The following WDTC1 variants were observed in gnomAD, a reference collection of about 807,000 sequenced individuals.
WDTC1 encodes the protein WD and tetratricopeptide repeats protein 1.
Under a neutral mutation model 76.0 loss-of-function variants are expected in WDTC1, and 12 were observed. The observed-to-expected ratio is 0.16, with a 90% CI of 0.10 to 0.26. The LOEUF (loss-of-function observed/expected upper bound fraction) is 0.26, where lower values mean the gene tolerates loss of function less well. WDTC1 is among the 10% of genes least tolerant of loss of function. The pLI is 1.00. For synonymous variants in WDTC1, 326 were observed against 350.8 expected (o/e 0.93, Z 0.79); for missense variants, 511 against 908.8 (o/e 0.56, Z 5.63).
At chr1:27,247,621 C>G (rs2011886280) in intron 1 of WDTC1, among the ~76,000 whole-genome samples, 1 of 151,918 alleles carries the variant, frequency 6.6e-6, no homozygotes, top group Non-Finnish European at 1.5e-5. Flanking sequence ...GGATAATGGC[C>G]TCCGGCTCCA....
In WDTC1 at chr1:27,293,651, T is replaced by C. The variant is rs2147980194; in HGVS notation, c.663-371T>C. 2.0e-5 allele frequency among the ~76,000 whole-genome samples: 3 copies of C among 152,280 alleles called. No individual in the cohort carries two copies. The South Asian group carries it at 6.2e-4, about 32-fold the overall frequency. ...TGAGTTGCCTCTCCAGCCTGGGCTTTCCATGATTCTTGGGATGGATGCAGG... is the reference window on the plus strand; with the variant it reads ...TGAGTTGCCTCTCCAGCCTGGGCTTCCCATGATTCTTGGGATGGATGCAGG... On this transcript the variant is annotated intron_variant, in intron 7 of 15. Coordinates refer to ENST00000319394, the MANE Select transcript of WDTC1 (RefSeq NM_001276252.2).
intron 3 of WDTC1, among the ~76,000 whole-genome samples, chr1:27,270,623 G>A (rs908131553): frequency 6.6e-6 from 1 of 152,210 alleles, no homozygotes; most frequent in Non-Finnish European, 1.5e-5. Context: ...AGCCTGGGGG[G>A]ACGTGGAGGT....
At chr1:27,291,097 C>G (rs550840503) in intron 6 of WDTC1, among the ~76,000 whole-genome samples, 1 of 152,266 alleles carries the variant, frequency 6.6e-6, no homozygotes, top group African/African-American at 2.4e-5. Context: ...GAGAAGGTGT[C>G]CTAGCAGAAG....
intron 1 of WDTC1, among the ~76,000 whole-genome samples, chr1:27,249,140 A>C (rs1369210021): frequency 6.6e-6 from 1 of 152,000 alleles, no homozygotes; most frequent in Non-Finnish European, 1.5e-5. Context: ...ATAATGGTGC[A>C]TGCCTGTAAT....
At chr1:27,287,087 C>T (rs980944771) in intron 5 of WDTC1, among the ~76,000 whole-genome samples, 49 of 150,536 alleles carry the variant, frequency 3.3e-4, no homozygotes, top group African/African-American at 1.1e-3. Flanking sequence ...CGCTTGAACC[C>T]GGGAGGTGGA....
chr1:27,301,460 T>C lies in WDTC1; in HGVS notation c.1467T>C (p.Gly489=), dbSNP rs1438267582. The change falls in exon 13 of 16, where the codon GGT becomes GGC. Residue 489 remains glycine, a splice_region_variant and synonymous_variant. Coordinates refer to ENST00000319394, the MANE Select transcript of WDTC1 (RefSeq NM_001276252.2). This position sits in a 1 kb window ranked among gnomAD's most constrained non-coding sequence, Gnocchi z 5.8. ...CTGCCCTCTTCTCTAAAAATGATGG[T>C]GGTGAGTGGGCACTGAGGAGGGGGT... ...ITAALFSKND[G]EEKKGPGGGA... 4.3e-6 allele frequency: 7 copies of C among 1,612,018 alleles called. No individual in the cohort carries two copies. Among genetic ancestry groups the C allele is most frequent in the Non-Finnish European group, 5.9e-6 (7 of 1,179,852 alleles).
At chr1:27,277,468 C>CT (rs201215714) in intron 3 of WDTC1, among the ~76,000 whole-genome samples, 46 of 149,252 alleles carry the variant, frequency 3.1e-4, no homozygotes, top group East Asian at 9.8e-4. Context: ...GCTTGACACT[C>CT]TTTTTTTTTT....
chr1:27,250,024 C>T (rs2011983992), intron 1 of WDTC1, among the ~76,000 whole-genome samples: 1 of 152,094 alleles, frequency 6.6e-6, no homozygotes, highest in Non-Finnish European at 1.5e-5. Flanking sequence ...TGAAATACCC[C>T]TTGTCAGCTT....
upstream of WDTC1, chr1:27,234,551 C>T (rs12740931): frequency 5.3e-6 from 2 of 380,854 alleles, no homozygotes. Flanking sequence ...CTGGAAGCGG[C>T]CGGGCGCAGT....
chr1:27,305,255 C>T lies in WDTC1; in HGVS notation c.1836+62C>T. 3 of 1,550,924 alleles carry T rather than the reference C, an allele frequency of 1.9e-6. No homozygotes were observed. The highest frequency in any genetic ancestry group is 1.4e-5 in the African/African-American group (1 of 73,262). On this transcript the variant is annotated intron_variant, in intron 15 of 15. Transcript: ENST00000319394. This position sits in a 1 kb window ranked among gnomAD's most constrained non-coding sequence, Gnocchi z 4.6. The stretch of plus-strand genomic sequence containing the variant: ...ACTCTGTGGAAGGCTCCAGTGGAGC[C>T]TGCTAGCGCAGGGAAGAGAAATGAG...
chr1:27,280,999 T>C (rs1419337748), intron 3 of WDTC1, among the ~76,000 whole-genome samples: 1 of 152,096 alleles, frequency 6.6e-6, no homozygotes, highest in Non-Finnish European at 1.5e-5. Flanking sequence ...ACAGAGTCTC[T>C]CTCTCTTTTT....
intron 1 of WDTC1, among the ~76,000 whole-genome samples, chr1:27,237,986 G>A (rs1447113399): frequency 1.3e-5 from 2 of 152,136 alleles, no homozygotes; most frequent in African/African-American, 4.8e-5. Context: ...ATTTTATTCA[G>A]GGCCTGGTAT....
At position 27,303,978 on chromosome 1, in the gene WDTC1, C is replaced by T. The variant is rs190087446; in HGVS notation, c.1643+183C>T. 2.7e-6 allele frequency: 2 copies of T among 732,598 alleles called. No homozygotes were observed. The highest frequency in any genetic ancestry group is 4.3e-6 in the Non-Finnish European group (2 of 460,502). 45.4% of individuals were successfully genotyped at this position (732,598 alleles called of 1,614,324 possible). A position where few individuals can be genotyped will look rare whatever the true frequency, so the allele number is the denominator to read the frequency against. On this transcript the variant is annotated intron_variant, in intron 14 of 15. Transcript: ENST00000319394. The surrounding 1 kb of genome is among the most constrained non-coding windows in gnomAD (Gnocchi z 4.8). ...TTAATCTATGAAATGACCAACCTGC[C>T]ATGCCCATTTATGAGGCCATAACAA...
intron 5 of WDTC1, 34 bp downstream of exon 5, chr1:27,283,483 C>T (rs776395984): frequency 6.2e-7 from 1 of 1,603,286 alleles, no homozygotes; most frequent in South Asian, 1.1e-5. Flanking sequence ...AAGCACAAGC[C>T]ACAGATCAAG....
rs1271826839 is a variant in WDTC1 at position 27,303,906 on chromosome 1, T to C, written c.1643+111T>C. The C allele has an allele frequency of 6.9e-7, 1 of 1,447,654 alleles. No homozygotes were observed. The highest frequency in any genetic ancestry group is 9.4e-7 in the Non-Finnish European group (1 of 1,061,988). 89.7% of individuals were successfully genotyped at this position (1,447,654 alleles called of 1,614,324 possible). On this transcript the variant is annotated intron_variant, in intron 14 of 15. Transcript: ENST00000319394. This position sits in a 1 kb window ranked among gnomAD's most constrained non-coding sequence, Gnocchi z 4.8. ...GAATCTCAAATCCCTGCTCTGCCTC[T>C]GTACCCTTGGGCAAATGGCTTCACC... is the stretch of plus-strand genomic sequence containing the variant.
intron 3 of WDTC1, among the ~76,000 whole-genome samples, chr1:27,263,526 C>T (rs1455245786): frequency 2.0e-5 from 3 of 152,138 alleles, no homozygotes; most frequent in Admixed American, 6.6e-5. Flanking sequence ...CTCTGCCTCC[C>T]GGGTTCACAC....
intron 3 of WDTC1, among the ~76,000 whole-genome samples, chr1:27,273,412 G>A (rs1261884331): frequency 6.6e-6 from 1 of 151,926 alleles, no homozygotes; most frequent in Non-Finnish European, 1.5e-5. Context: ...GTTTCACCAT[G>A]TTAGCCAGGA....
chr1:27,297,032 C>A lies in WDTC1; in HGVS notation c.950-16C>A. 3 of 1,613,032 alleles carry A rather than the reference C, an allele frequency of 1.9e-6. No homozygotes were observed. The highest frequency in any genetic ancestry group is 2.5e-6 in the Non-Finnish European group (3 of 1,179,280). ...TCCTGAGTTGTTGCTGTCACTTTCT[C>A]ACTATCTCCTGCCAGAAGTCCAGAA... On this transcript the variant is annotated splice_polypyrimidine_tract_variant and intron_variant, in intron 10 of 15. Transcript: ENST00000319394.
intron 1 of WDTC1, among the ~76,000 whole-genome samples, chr1:27,248,864 C>G (rs953384069): frequency 1.8e-4 from 27 of 151,920 alleles, no homozygotes; most frequent in African/African-American, 6.3e-4. Flanking sequence ...CACCATGTTT[C>G]CCAGCTGGTC....
Sources: allele counts gnomAD v4.1 joint callset (sites outside exome capture counted in the v4.1 genomes callset), GRCh38; gene constraint gnomAD v4.1.1; non-coding constraint Gnocchi (gnomAD v3.1); transcripts MANE v1.5; gene names NCBI Gene and HGNC (gene_info 2026-07-23, HGNC 2026-07-21).